ANK3: variants seen among roughly 807,000 people sequenced by gnomAD.
The protein encoded by ANK3 is ankyrin 3, also known as ankyrin-3.
In ANK3, 57 loss-of-function variants were observed where a neutral mutation model predicts 370.9. The observed-to-expected ratio is 0.15, with a 90% CI of 0.12 to 0.19. The LOEUF is 0.19. Among genes scored for constraint, ANK3 ranks in the 10% least tolerant of loss-of-function variants. The pLI, the probability that ANK3 is intolerant of heterozygous loss-of-function variation, is 1.00. For synonymous variants in ANK3, 1,929 were observed against 1,946.3 expected (o/e 0.99, Z 0.23); for missense variants, 4,439 against 5,302.1 (o/e 0.84, Z 5.06).
chr10:60,614,771 C>G (rs1386459187), intron 2 of ANK3, among the ~76,000 whole-genome samples: 1 of 152,170 alleles, frequency 6.6e-6, no homozygotes, highest in Non-Finnish European at 1.5e-5. Context: ...CATAATTGGA[C>G]TCCCATGTAG....
chr10:60,482,435 C>T (rs2075246830), intron 2 of ANK3, among the ~76,000 whole-genome samples: 1 of 152,166 alleles, frequency 6.6e-6, no homozygotes. Context: ...ATCTCCTTCA[C>T]CAGATTTACA....
At chr10:60,189,459 CT>C (rs2132377207) in intron 16 of ANK3, among the ~76,000 whole-genome samples, 1 of 152,276 alleles carries the variant, frequency 6.6e-6, no homozygotes, top group South Asian at 2.1e-4. Flanking sequence ...AAGGATTTAT[CT>C]TGAGCTCCTT....
Position 60,047,273 on chromosome 10 carries a change from G to C in ANK3, c.13066-4514C>G, listed in dbSNP as rs1589219992. ...GTGGTGTTACATTTTCACCTCTGGT[G>C]ACGGTATTAATGAAAATTAACTGTA... On this transcript the variant is annotated intron_variant, in intron 42 of 43. Transcript: ENST00000280772. Among the ~76,000 whole-genome samples, 4 of 152,314 alleles carry C rather than the reference G, an allele frequency of 2.6e-5. No individual in the cohort carries two copies. In the East Asian group the frequency reaches 5.8e-4, roughly 22 times the overall value.
chr10:60,699,150 G>T (rs2079511722), intron 1 of ANK3, among the ~76,000 whole-genome samples: 1 of 151,662 alleles, frequency 6.6e-6, no homozygotes, highest in Non-Finnish European at 1.5e-5. Flanking sequence ...GGGGACGAGG[G>T]GTAGAAGACT....
chr10:60,203,014 G>A lies in ANK3; in HGVS notation c.1380C>T (p.Asn460=), dbSNP rs2096708862. ...SQLMHHGASP[N]TTNVRGETAL... ...AAAGAATACTTACCACATTGGTGGT[G>A]TTTGGTGAGGCTCCATGATGCATTA... The change falls in exon 12 of 44, where the codon AAC becomes AAT. Residue 460 remains asparagine (N), a synonymous_variant. Transcript: ENST00000280772. The A allele has an allele frequency of 6.2e-7, 1 of 1,611,294 alleles. No individual in the cohort carries two copies. The highest frequency in any genetic ancestry group is 1.3e-5 in the African/African-American group (1 of 74,848).
At chr10:60,326,012 C>T (rs1010212021) in intron 1 of ANK3, among the ~76,000 whole-genome samples, 2 of 152,176 alleles carry the variant, frequency 1.3e-5, no homozygotes, top group Admixed American at 6.5e-5. Flanking sequence ...TTATCCTTAG[C>T]AAACTAACAC....
chr10:60,107,524 C>T (rs2092311586), intron 27 of ANK3, among the ~76,000 whole-genome samples: 2 of 152,298 alleles, frequency 1.3e-5, no homozygotes, highest in African/African-American at 2.4e-5. Context: ...AACAATCAAA[C>T]AGACAAGTGA....
chr10:60,705,463 T>C (rs935431663), intron 1 of ANK3, among the ~76,000 whole-genome samples: 4 of 152,178 alleles, frequency 2.6e-5, no homozygotes, highest in African/African-American at 7.2e-5. Context: ...ATTTAAGATA[T>C]AGGAAATTCA....
Position 60,528,134 on chromosome 10 carries a change from C to CTTTTTTT in ANK3, c.96+87051_96+87052insAAAAAAA, listed in dbSNP as rs35837089. 1.3e-4 allele frequency among the ~76,000 whole-genome samples: 16 copies of CTTTTTTT among 124,256 alleles called. 1 individual carries two copies. The highest frequency in any genetic ancestry group is 1.7e-4 in the Non-Finnish European group (10 of 60,468). 81.5% of individuals were successfully genotyped at this position (124,256 alleles called of 152,430 possible). ...TTTTTTCTTTTTTTCTTTTCTTCTT[C>CTTTTTTT]TTCTTTTTTTTTTTTTTTTGAGACA... On this transcript the variant is annotated intron_variant, in intron 2 of 43. Coordinates refer to the ANK3 transcript ENST00000373827.
At chr10:60,289,103 G>C (rs1288000520) in intron 1 of ANK3, among the ~76,000 whole-genome samples, 3 of 152,032 alleles carry the variant, frequency 2.0e-5, no homozygotes, top group Admixed American at 6.6e-5. Flanking sequence ...GAAGACCTAG[G>C]GGGGCTAGCT....
Position 60,349,028 on chromosome 10 carries a change from A to G in ANK3, c.114+40397T>C, listed in dbSNP as rs549044866. Among the ~76,000 whole-genome samples, 24 of 152,188 alleles carry G rather than the reference A, an allele frequency of 1.6e-4. No homozygotes were observed. The East Asian group carries it at 2.9e-3, about 18-fold the overall frequency. ...TCCCCAGCATGAACTGTACTTGAAG[A>G]AGCCCTGCTCCAAGGGTGAGTAAGT... On this transcript the variant is annotated intron_variant, in intron 1 of 43. Transcript: ENST00000280772.
intron 2 of ANK3, among the ~76,000 whole-genome samples, chr10:60,395,552 C>G (rs911197872): frequency 9.8e-5 from 5 of 51,112 alleles, no homozygotes; most frequent in Non-Finnish European, 2.0e-4. Context: ...TACTATGCCT[C>G]TTTCTTTCTT....
At chr10:60,599,673 G>T (rs1012968255) in intron 2 of ANK3, among the ~76,000 whole-genome samples, 1 of 152,056 alleles carries the variant, frequency 6.6e-6, no homozygotes, top group African/African-American at 2.4e-5. Context: ...ATCCTAACTG[G>T]TGTTCTTGCT....
chr10:60,660,929 C>G (rs1166226902), intron 1 of ANK3, among the ~76,000 whole-genome samples: 2 of 152,010 alleles, frequency 1.3e-5, no homozygotes, highest in African/African-American at 4.8e-5. Context: ...CACACACACA[C>G]ACACACCCCA....
chr10:60,570,310 A>T (rs1055253473), intron 2 of ANK3, among the ~76,000 whole-genome samples: 6 of 152,208 alleles, frequency 3.9e-5, no homozygotes, highest in African/African-American at 1.4e-4. Context: ...AAAAAGAAGC[A>T]GAATGTGTTA....
At chr10:60,707,142 T>C (rs1345786752) in intron 1 of ANK3, among the ~76,000 whole-genome samples, 4 of 152,204 alleles carry the variant, frequency 2.6e-5, no homozygotes, top group Non-Finnish European at 5.9e-5. Context: ...CGAACTCTAA[T>C]CTTATAGTCA....
At chr10:60,500,066 A>G (rs1360478192) in intron 2 of ANK3, among the ~76,000 whole-genome samples, 6 of 152,194 alleles carry the variant, frequency 3.9e-5, no homozygotes, top group Non-Finnish European at 7.3e-5. Context: ...GCTTGACTAA[A>G]TTACCTGAGC....
chr10:60,649,941 TG>T (rs2078764422), intron 1 of ANK3, among the ~76,000 whole-genome samples: 1 of 152,228 alleles, frequency 6.6e-6, no homozygotes, highest in Non-Finnish European at 1.5e-5. Context: ...GTTCATGATC[TG>T]TCACCTTGCC....
At position 60,491,240 on chromosome 10, in the gene ANK3, T is replaced by C. The variant is rs571486166; in HGVS notation, c.96+123946A>G. Among the ~76,000 whole-genome samples the C allele has an allele frequency of 2.0e-5, 3 of 152,302 alleles. No individual in the cohort carries two copies. The South Asian group carries it at 6.2e-4, about 32-fold the overall frequency. Reference sequence around the variant, plus strand: ...TGACTAAGGTTAAAATCAACATTTGTATATTAGTCTTTTTGTAGAATGACT... The same window carrying C: ...TGACTAAGGTTAAAATCAACATTTGCATATTAGTCTTTTTGTAGAATGACT... On this transcript the variant is annotated intron_variant, in intron 2 of 43. Transcript: ENST00000373827.
Sources: gnomAD v4.1 joint callset for allele counts (sites outside exome capture counted in the v4.1 genomes callset) on GRCh38, gnomAD v4.1.1 for gene constraint, MANE v1.5 for transcripts, NCBI Gene and HGNC (gene_info 2026-07-23, HGNC 2026-07-21) for gene names.